Variants in CSMD3 observed in about 807,000 individuals in gnomAD.
The protein encoded by CSMD3 is CUB and Sushi multiple domains 3, also known as CUB and sushi domain-containing protein 3.
In CSMD3, 177 loss-of-function variants were observed where a neutral mutation model predicts 435.2. The observed-to-expected ratio is 0.41, with a 90% CI of 0.36 to 0.46. The LOEUF (loss-of-function observed/expected upper bound fraction) is 0.46. Among genes scored for constraint, CSMD3 ranks in the 20% least tolerant of loss-of-function variants. The pLI is 0.34. For missense variants in CSMD3, 4,265 were observed against 4,504.6 expected, an observed-to-expected ratio of 0.95 and a Z score of 1.52; for synonymous variants, 1,656 against 1,520.5, an observed-to-expected ratio of 1.09 and a Z score of -2.07.
chr8:113,144,666 A>C (rs780380247), intron 4 of CSMD3, among the ~76,000 whole-genome samples: 34 of 151,494 alleles, frequency 2.2e-4, no homozygotes, highest in Non-Finnish European at 1.6e-4. Flanking sequence ...CCTAGTAAGC[A>C]ATAGAAAATT....
chr8:112,304,986 C>T lies in CSMD3; in HGVS notation c.8072-71G>A, dbSNP rs972458257. 5 of 1,071,418 alleles carry T rather than the reference C, an allele frequency of 4.7e-6. No individual in the cohort carries two copies. In the South Asian group the frequency reaches 5.3e-5, roughly 11 times the overall value. The allele number at this position is 1,071,418 out of a possible 1,614,324, so 66.4% of individuals were successfully genotyped here. On this transcript the variant is annotated intron_variant, in intron 51 of 70. Transcript: ENST00000297405. ...TCAACGTCTATTCCATTCTTTACAT[C>T]TCCACTGACCTAATTCACTTACTCT... is the stretch of plus-strand genomic sequence containing the variant.
At chr8:112,930,732 C>A (rs559772884) in intron 9 of CSMD3, among the ~76,000 whole-genome samples, 1 of 152,022 alleles carries the variant, frequency 6.6e-6, no homozygotes, top group African/African-American at 2.4e-5. Context: ...CAAGAGTAAC[C>A]CACAAGGCAC....
intron 1 of CSMD3, among the ~76,000 whole-genome samples, chr8:113,364,450 G>C (rs1046622309): frequency 6.6e-6 from 1 of 151,886 alleles, no homozygotes; most frequent in African/African-American, 2.4e-5. Context: ...TGAAATGCTA[G>C]CCTAAAAATA....
At chr8:113,399,726 T>C (rs184887849) in intron 1 of CSMD3, among the ~76,000 whole-genome samples, 9 of 151,932 alleles carry the variant, frequency 5.9e-5, no homozygotes, top group African/African-American at 1.2e-4. Context: ...ACAAAATGTT[T>C]TAAAATTAGA....
At chr8:112,986,200 T>C (rs1057015730) in intron 6 of CSMD3, among the ~76,000 whole-genome samples, 3 of 152,200 alleles carry the variant, frequency 2.0e-5, no homozygotes, top group Admixed American at 1.3e-4. Flanking sequence ...TGTTTGCTTT[T>C]AGTATAACTA....
intron 1 of CSMD3, among the ~76,000 whole-genome samples, chr8:113,392,519 G>T (rs1255351639): frequency 2.0e-5 from 3 of 152,050 alleles, no homozygotes; most frequent in African/African-American, 7.2e-5. Context: ...TCACTTTATA[G>T]ATGGGGAAAT....
chr8:113,405,524 T>C (rs1182219058), intron 1 of CSMD3, among the ~76,000 whole-genome samples: 1 of 151,634 alleles, frequency 6.6e-6, no homozygotes, highest in African/African-American at 2.4e-5. Context: ...AACCTGGAAA[T>C]TATAACAACA....
intron 13 of CSMD3, among the ~76,000 whole-genome samples, chr8:112,707,991 C>T (rs990272026): frequency 1.3e-5 from 2 of 152,088 alleles, no homozygotes; most frequent in South Asian, 2.1e-4. Context: ...AATAAAGATT[C>T]TGTATATAAA....
intron 22 of CSMD3, among the ~76,000 whole-genome samples, chr8:112,610,714 CAT>C (rs1454896084): frequency 1.3e-5 from 2 of 152,074 alleles, no homozygotes; most frequent in African/African-American, 2.4e-5. Context: ...AAAAAAGGCA[CAT>C]GAGGAAAGTG....
At chr8:113,231,638 T>A (rs76725164) in intron 3 of CSMD3, among the ~76,000 whole-genome samples, 174 of 151,594 alleles carry the variant, frequency 1.1e-3, no homozygotes, top group Non-Finnish European at 2.0e-3. Context: ...ATAATCTAAG[T>A]CCTAGAGTTA....
intron 9 of CSMD3, among the ~76,000 whole-genome samples, chr8:112,922,277 A>C (rs1011868815): frequency 6.6e-6 from 1 of 152,028 alleles, no homozygotes; most frequent in African/African-American, 2.4e-5. Context: ...GGGGTACCTA[A>C]GATGTTTTCA....
chr8:112,993,913 ACAGT>A (rs1257479878), intron 6 of CSMD3, among the ~76,000 whole-genome samples: 1 of 151,744 alleles, frequency 6.6e-6, no homozygotes, highest in Non-Finnish European at 1.5e-5. Flanking sequence ...ATAGATTCAA[ACAGT>A]CAGCTGTATC....
chr8:113,108,336 G>A (rs2090541786), intron 4 of CSMD3, among the ~76,000 whole-genome samples: 1 of 151,600 alleles, frequency 6.6e-6, no homozygotes, highest in African/African-American at 2.4e-5. Flanking sequence ...GCTGATGCAG[G>A]AGAATTGCTT....
At chr8:112,910,591 T>G (rs1025091030) in intron 10 of CSMD3, among the ~76,000 whole-genome samples, 1 of 151,860 alleles carries the variant, frequency 6.6e-6, no homozygotes, top group Non-Finnish European at 1.5e-5. Context: ...CTCCTAGGAC[T>G]GTAATGTTAC....
intron 6 of CSMD3, among the ~76,000 whole-genome samples, chr8:113,006,394 T>C (rs2086057408): frequency 1.3e-5 from 2 of 152,152 alleles, no homozygotes; most frequent in South Asian, 2.1e-4. Context: ...CCCTTGTAGA[T>C]TGGTGAGGAC....
At chr8:113,390,329 C>A (rs1345073367) in intron 1 of CSMD3, among the ~76,000 whole-genome samples, 1 of 151,748 alleles carries the variant, frequency 6.6e-6, no homozygotes, top group African/African-American at 2.4e-5. Context: ...CAGTATTTCA[C>A]TGACCCAGGA....
At chr8:112,325,886 A>T (rs941633456) in intron 45 of CSMD3, among the ~76,000 whole-genome samples, 1 of 152,024 alleles carries the variant, frequency 6.6e-6, no homozygotes, top group African/African-American at 2.4e-5. Flanking sequence ...ATGCCATCCC[A>T]AAGGGCAGTT....
rs185598020 is a variant in CSMD3, at chr8:112,418,455, T to C, written c.5396-9423A>G. On this transcript the variant is annotated intron_variant, in intron 32 of 70. Transcript: ENST00000297405. ...AGAACTGTTTGCCCTCCATACTGTA[T>C]ACTCTGAACTGTGAAAGTACTTATT... Among the ~76,000 whole-genome samples, 45 of 152,250 alleles carry C rather than the reference T, an allele frequency of 3.0e-4. 1 individual carries two copies. The East Asian group carries it at 8.3e-3, about 28-fold the overall frequency.
chr8:112,545,684 T>C (rs1380327686), intron 27 of CSMD3, among the ~76,000 whole-genome samples: 3 of 152,020 alleles, frequency 2.0e-5, no homozygotes, highest in East Asian at 1.9e-4. Context: ...CAAGTTATTA[T>C]GGCAAAAACC....
Sources: allele counts gnomAD v4.1 joint callset (sites outside exome capture counted in the v4.1 genomes callset), GRCh38; gene constraint gnomAD v4.1.1; transcripts MANE v1.5; gene names NCBI Gene and HGNC (gene_info 2026-07-23, HGNC 2026-07-21).